Variants in CEACAM7 observed in about 807,000 individuals in gnomAD.
CEACAM7 encodes the protein CEA cell adhesion molecule 7.
CEACAM7 carries 24 observed loss-of-function variants against 25.7 expected under a neutral mutation model. The observed-to-expected ratio is 0.93, with a 90% CI of 0.68 to 1.31. The LOEUF (loss-of-function observed/expected upper bound fraction) is 1.31. CEACAM7 is among the 40% of genes most tolerant of loss of function. The pLI is 0.00. For synonymous variants in CEACAM7, 144 were observed against 129.4 expected, an observed-to-expected ratio of 1.11 and a Z score of -0.77; for missense variants, 324 against 330.1, an observed-to-expected ratio of 0.98 and a Z score of 0.14.
At chr19:41,676,622 C>G (rs1555810114) in intron 4 of CEACAM7, among the ~76,000 whole-genome samples, 1 of 152,182 alleles carries the variant, frequency 6.6e-6, no homozygotes, top group African/African-American at 2.4e-5. Flanking sequence ...AATTGGTTAT[C>G]AGGAAAAGAT....
chr19:41,686,920 G>T lies in CEACAM7; in HGVS notation c.366C>A (p.Thr122=), dbSNP rs782805705. 7.0e-6 allele frequency: 11 copies of T among 1,574,518 alleles called. No individual in the cohort carries two copies. Among genetic ancestry groups the T allele is most frequent in the Non-Finnish European group, 8.6e-6 (10 of 1,163,510 alleles). The change falls in exon 2 of 5, where the codon ACC becomes ACA. Residue 122 remains threonine, a synonymous_variant. Coordinates refer to ENST00000401731, the MANE Select transcript of CEACAM7 (RefSeq NM_001291485.2). Reference sequence around the variant, plus strand: ...CAAGATTTTCTTTTATAACGTGTAGGGTATAGATTCCTGCGTCATTGTGGG... The same window carrying T: ...CAAGATTTTCTTTTATAACGTGTAGTGTATAGATTCCTGCGTCATTGTGGG... ...NVTHNDAGIY[T]LHVIKENLVN...
chr19:41,683,868 T>C lies in CEACAM7; in HGVS notation c.623A>G (p.Lys208Arg). Residue 208 changes from lysine (K) to arginine (R), a missense_variant, in exon 3 of 5, where the codon AAG (lysine) becomes AGG (arginine). Physicochemically the swap from Lys to Arg is conservative, Grantham distance 26. Coordinates refer to ENST00000401731, the MANE Select transcript of CEACAM7 (RefSeq NM_001291485.2). ...NRTLVLLSAT[K>R]NDIGPYECEI... ...ACATTCATAGGGTCCTATGTCATTCTTTGTGGCGCTGAGTAGAACGAGGGT... is the reference window on the plus strand; with the variant it reads ...ACATTCATAGGGTCCTATGTCATTCCTTGTGGCGCTGAGTAGAACGAGGGT... The C allele has an allele frequency of 6.2e-7, 1 of 1,614,210 alleles. No homozygotes were observed. Among genetic ancestry groups the C allele is most frequent in the South Asian group, 1.1e-5 (1 of 91,078 alleles).
rs782444205 is a variant in CEACAM7, at chr19:41,686,936, T to C, written c.350A>G (p.Asp117Gly). Residue 117 changes from aspartate (D) to glycine (G), a missense_variant, in exon 2 of 5, where the codon GAC becomes GGC. Transcript: ENST00000401731. ...AACGTGTAGGGTATAGATTCCTGCG[T>C]CATTGTGGGTGACGTTCTGGATCAG... is the stretch of plus-strand genomic sequence containing the variant. ...TLLIQNVTHNDAGIYTLHVIK... is the reference protein window; with the variant it reads ...TLLIQNVTHNGAGIYTLHVIK... The C allele has an allele frequency of 1.2e-6, 2 of 1,600,136 alleles. No homozygotes were observed. The highest frequency in any genetic ancestry group is 1.3e-5 in the African/African-American group (1 of 74,110).
At chr19:41,679,743 A>C (rs1047890017) in intron 3 of CEACAM7, among the ~76,000 whole-genome samples, 3 of 151,716 alleles carry the variant, frequency 2.0e-5, no homozygotes, top group Non-Finnish European at 4.4e-5. Context: ...TGCAAAAATC[A>C]GTTGAAATCA....
intron 3 of CEACAM7, among the ~76,000 whole-genome samples, chr19:41,679,488 A>G (rs2072150157): frequency 2.6e-5 from 4 of 152,204 alleles, no homozygotes; most frequent in Admixed American, 2.6e-4. Context: ...AGAAAGACTG[A>G]AAGCTTTCCC....
intron 1 of CEACAM7, among the ~76,000 whole-genome samples, chr19:41,687,715 A>C (rs2122736034): frequency 6.6e-6 from 1 of 150,896 alleles, no homozygotes; most frequent in East Asian, 1.9e-4. Flanking sequence ...CCAGTAGATG[A>C]GTTCATGAGA....
intron 2 of CEACAM7, among the ~76,000 whole-genome samples, chr19:41,686,320 A>G (rs2072224862): frequency 6.6e-6 from 1 of 152,112 alleles, no homozygotes; most frequent in Non-Finnish European, 1.5e-5. Flanking sequence ...CCTTGCCCAG[A>G]TGAGGCCCTG....
intron 2 of CEACAM7, 41 bp from the exon 3 acceptor site, chr19:41,684,104 C>G (rs979655225): frequency 1.3e-6 from 2 of 1,596,744 alleles, no homozygotes; most frequent in African/African-American, 2.7e-5. Flanking sequence ...CTGTGTGGCC[C>G]CTTGGTTCCC....
At position 41,686,928 on chromosome 19, in the gene CEACAM7, T is replaced by A. The variant is rs8102488; in HGVS notation, c.358A>T (p.Ile120Phe). ...IQNVTHNDAG[I>F]YTLHVIKENL... ...TCTTTTATAACGTGTAGGGTATAGA[T>A]TCCTGCGTCATTGTGGGTGACGTTC... The change falls in exon 2 of 5, where the codon ATC becomes TTC. Residue 120 changes from isoleucine (I) to phenylalanine (F), a missense_variant. Physicochemically the swap from Ile to Phe is conservative, Grantham distance 21 (BLOSUM62 0). Transcript: ENST00000401731. The A allele has an allele frequency of 0.52, 821,884 of 1,593,038 alleles. 216,691 individuals carry two copies. Among genetic ancestry groups the A allele is most frequent in the Middle Eastern group, 0.61 (3,606 of 5,914 alleles).
chr19:41,686,775 C>T, intron 2 of CEACAM7, 84 bp downstream of exon 2: 2 of 1,420,078 alleles, frequency 1.4e-6, no homozygotes, highest in Non-Finnish European at 1.9e-6. Flanking sequence ...GATGGGGACA[C>T]AGGCACAACC....
intron 4 of CEACAM7, among the ~76,000 whole-genome samples, chr19:41,675,110 T>G (rs2072101340): frequency 6.6e-6 from 1 of 152,356 alleles, no homozygotes; most frequent in South Asian, 2.1e-4. Flanking sequence ...ATTCTATGTA[T>G]ATTTCCAAAT....
chr19:41,683,165 T>G (rs782567616), intron 3 of CEACAM7, among the ~76,000 whole-genome samples: 6 of 152,248 alleles, frequency 3.9e-5, no homozygotes, highest in Non-Finnish European at 8.8e-5. Flanking sequence ...TCATCTTGAC[T>G]GTGGTACTAT....
intron 2 of CEACAM7, among the ~76,000 whole-genome samples, 192 bp downstream of exon 2, chr19:41,686,667 G>A (rs1338422007): frequency 6.6e-6 from 1 of 152,124 alleles, no homozygotes; most frequent in Non-Finnish European, 1.5e-5. Context: ...GTATCTGCAG[G>A]GTCTGGATGC....
intron 4 of CEACAM7, 109 bp downstream of exon 4, chr19:41,677,267 G>A (rs1188445501): frequency 6.6e-6 from 4 of 602,002 alleles, no homozygotes; most frequent in East Asian, 5.5e-5. Context: ...TTTAGTGGGA[G>A]GAGGAGGAGA....
chr19:41,678,224 T>G lies in CEACAM7; in HGVS notation c.707-721A>C, dbSNP rs74558439. 7.0e-3 allele frequency among the ~76,000 whole-genome samples: 1,059 copies of G among 152,110 alleles called. 10 individuals carry two copies. The highest frequency in any genetic ancestry group is 0.025 in the African/African-American group (1,023 of 41,428). On this transcript the variant is annotated intron_variant, in intron 3 of 4. Transcript: ENST00000401731. ...AAAACTAACATACTAGGCTTGAGAC[T>G]TCATATTTAACTCTGTTCTTTTCCC... is the stretch of plus-strand genomic sequence containing the variant.
At chr19:41,678,407 A>C (rs1555810363) in intron 3 of CEACAM7, among the ~76,000 whole-genome samples, 1 of 152,138 alleles carries the variant, frequency 6.6e-6, no homozygotes. Context: ...ATGTATATAT[A>C]ATACCTTCTG....
chr19:41,679,946 C>T (rs1268347950), intron 3 of CEACAM7, among the ~76,000 whole-genome samples: 1 of 139,856 alleles, frequency 7.2e-6, no homozygotes, highest in Non-Finnish European at 1.5e-5. Flanking sequence ...AAATTACAGG[C>T]GTGTGCCACC....
rs782727790 is a variant in CEACAM7, at chr19:41,688,177, C to T, written c.-12G>A. ...GAAGGGGACCCCATGGTCTCTGCTG[C>T]CTGCTTGTCCTCTGTGGAGAAGAGC... On this transcript the variant is annotated 5_prime_UTR_variant, in exon 1 of 5. Transcript: ENST00000401731. 1 of 1,608,590 alleles carries T rather than the reference C, an allele frequency of 6.2e-7. No individual in the cohort carries two copies. Among genetic ancestry groups the T allele is most frequent in the Admixed American group, 1.7e-5 (1 of 59,390 alleles).
chr19:41,686,800 C>A, intron 2 of CEACAM7, 59 bp downstream of exon 2: 1 of 1,499,010 alleles, frequency 6.7e-7, no homozygotes, highest in South Asian at 1.4e-5. Context: ...CCTGACAACC[C>A]CGTGTGTATG....
Sources: allele counts gnomAD v4.1 joint callset (sites outside exome capture counted in the v4.1 genomes callset), GRCh38; gene constraint gnomAD v4.1.1; transcripts MANE v1.5; gene names NCBI Gene and HGNC (gene_info 2026-07-23, HGNC 2026-07-21).